GSK3A: variants seen among roughly 807,000 people sequenced by gnomAD.
GSK3A encodes glycogen synthase kinase 3 alpha.
GSK3A carries 14 observed loss-of-function variants against 56.6 expected under a neutral mutation model. The observed-to-expected ratio is 0.25, with a 90% confidence interval of 0.16 to 0.39. The LOEUF is 0.39. GSK3A is among the 10% of genes least tolerant of loss of function. GSK3A has a pLI of 1.00. For missense variants in GSK3A, 450 were observed against 656.0 expected, an observed-to-expected ratio of 0.69 and a Z score of 3.43; for synonymous variants, 301 against 285.0, an observed-to-expected ratio of 1.06 and a Z score of -0.56.
intron 10 of GSK3A, among the ~76,000 whole-genome samples, chr19:42,231,735 T>G (rs993058838): frequency 2.0e-5 from 3 of 149,868 alleles, no homozygotes; most frequent in South Asian, 2.1e-4. Context: ...ATCGAGCCAC[T>G]GCACTGCAGC....
chr19:42,233,151 C>A lies in GSK3A; in HGVS notation c.1057G>T (p.Glu353Ter), dbSNP rs1244295204. ...QIREMNPNYT[E>*]FKFPQIKAHP... ...GCTTTAATCTGAGGGAACTTGAACT[C>A]CGTGTAGTTGGGGTTCATCTCTCGG... The change falls in exon 8 of 11, where the codon GAG becomes TAG. Residue 353 changes from glutamate to a stop codon, truncating the protein, a stop_gained. Coordinates refer to ENST00000222330, the MANE Select transcript of GSK3A (RefSeq NM_019884.3). LOFTEE classifies it high-confidence loss of function. The A allele has an allele frequency of 6.2e-7, 1 of 1,608,620 alleles. No homozygotes were observed. The highest frequency in any genetic ancestry group is 8.5e-7 in the Non-Finnish European group (1 of 1,177,002).
chr19:42,234,982 C>G lies in GSK3A; in HGVS notation c.667-304G>C, dbSNP rs2036247416. On this transcript the variant is annotated intron_variant, in intron 4 of 10. Coordinates refer to ENST00000222330, the MANE Select transcript of GSK3A (RefSeq NM_019884.3). The surrounding 1 kb of genome is among the most constrained non-coding windows in gnomAD (Gnocchi z 5.7). ...TCTCTACTAAAAATACAAAAATTAGCCGGGCGTGGTGGTGCACACCTGTAA... is the reference window on the plus strand; with the variant it reads ...TCTCTACTAAAAATACAAAAATTAGGCGGGCGTGGTGGTGCACACCTGTAA... 6.6e-6 allele frequency among the ~76,000 whole-genome samples: 1 copy of G among 152,164 alleles called. No individual in the cohort carries two copies. The highest frequency in any genetic ancestry group is 1.5e-5 in the Non-Finnish European group (1 of 68,028).
chr19:42,238,318 G>A (rs2146939016), intron 2 of GSK3A, among the ~76,000 whole-genome samples: 2 of 151,364 alleles, frequency 1.3e-5, no homozygotes, highest in East Asian at 3.9e-4. Flanking sequence ...AGGAGGCAGA[G>A]GTTGCAGTGA....
At chr19:42,231,666 C>T (rs532834181) in intron 10 of GSK3A, among the ~76,000 whole-genome samples, 6 of 146,372 alleles carry the variant, frequency 4.1e-5, no homozygotes, top group African/African-American at 1.3e-4. Context: ...CCCAGCTACT[C>T]GGAGGCTGAG....
At chr19:42,230,947 CTT>C in intron 10 of GSK3A, 80 bp from the exon 11 acceptor site, 2 of 908,858 alleles carry the variant, frequency 2.2e-6, no homozygotes, top group Admixed American at 2.0e-5. Context: ...TAGGAATTCT[CTT>C]GTCATAGATG....
At chr19:42,231,974 A>T in intron 10 of GSK3A, 83 bp downstream of exon 10, 1 of 704,604 alleles carries the variant, frequency 1.4e-6, no homozygotes, top group African/African-American at 1.8e-5. Context: ...AAATACATTC[A>T]GGAAACCCAG....
At chr19:42,240,766 C>T (rs907180595) in intron 1 of GSK3A, 3 of 154,292 alleles carry the variant, frequency 1.9e-5, no homozygotes, top group Non-Finnish European at 4.3e-5. Context: ...ACCTCTTCAT[C>T]TGAGTGGTCC....
At chr19:42,241,036 G>C (rs1345962219) in intron 1 of GSK3A, 1 of 151,100 alleles carries the variant, frequency 6.6e-6, no homozygotes, top group Admixed American at 6.6e-5. Context: ...CGCTCTCGTT[G>C]CCCAGCTGGA....
intron 7 of GSK3A, 24 bp downstream of exon 7, chr19:42,233,262 G>GGGCCCC: frequency 1.3e-5 from 14 of 1,077,510 alleles, no homozygotes; most frequent in Non-Finnish European, 1.7e-5. Flanking sequence ...CCCACCCCCT[G>GGGCCCC]CCCAGCCCAG....
chr19:42,233,481 C>G (rs1474642303), intron 6 of GSK3A, 98 bp from the exon 7 acceptor site: 2 of 792,876 alleles, frequency 2.5e-6, no homozygotes, highest in Non-Finnish European at 4.1e-6. Context: ...TGTCAGGAGC[C>G]CCGTTTTCTC....
intron 10 of GSK3A, 118 bp downstream of exon 10, chr19:42,231,939 T>C (rs1219611705): frequency 4.9e-6 from 3 of 612,586 alleles, no homozygotes; most frequent in Non-Finnish European, 8.8e-6. Context: ...GTGTTTCCTA[T>C]GCCATCAAAA....
Position 42,242,337 on chromosome 19 carries a change from T to TGGGCCGGAGGCCGAGCCTCCG in GSK3A, c.108_128dup (p.Ser39_Gly45dup). 2 of 1,426,052 alleles carry TGGGCCGGAGGCCGAGCCTCCG rather than the reference T, an allele frequency of 1.4e-6. No individual in the cohort carries two copies. Among genetic ancestry groups the TGGGCCGGAGGCCGAGCCTCCG allele is most frequent in the Non-Finnish European group, 1.8e-6 (2 of 1,094,936 alleles). 88.3% of individuals were successfully genotyped at this position (1,426,052 alleles called of 1,614,324 possible). ...ATGCCTTTCCGCCGCCGGTGCCGCC[T>TGGGCCGGAGGCCGAGCCTCCG]GGGCCGGAGGCCGAGCCTCCGGGGC... On this transcript the variant is annotated inframe_insertion, in exon 1 of 11. Transcript: ENST00000222330.
At chr19:42,240,275 A>G (rs886427585) in intron 1 of GSK3A, 133 bp from the exon 2 acceptor site, 33 of 778,140 alleles carry the variant, frequency 4.2e-5, no homozygotes, top group Non-Finnish European at 6.0e-5. Context: ...CTCCTCTTTG[A>G]GGAAAGGTGG....
intron 8 of GSK3A, 90 bp from the exon 9 acceptor site, chr19:42,232,772 T>C: frequency 9.1e-7 from 1 of 1,097,314 alleles, no homozygotes; most frequent in Non-Finnish European, 1.3e-6. Context: ...CTGCGGCAAG[T>C]TATGACTGGT....
At position 42,233,276 on chromosome 19, in the gene GSK3A, C is replaced by T. The variant is rs549379874; in HGVS notation, c.1002+10G>A. The T allele has an allele frequency of 9.6e-6, 15 of 1,559,890 alleles. No individual in the cohort carries two copies. Among genetic ancestry groups the T allele is most frequent in the Middle Eastern group, 1.9e-4 (1 of 5,290 alleles). On this transcript the variant is annotated intron_variant, in intron 7 of 10. Transcript: ENST00000222330. The stretch of plus-strand genomic sequence containing the variant: ...CCCCACCCCCTGCCCAGCCCAGCCC[C>T]GCCCCTCACCTTGATGATCTCCACC...
intron 4 of GSK3A, among the ~76,000 whole-genome samples, chr19:42,235,130 A>AT (rs2036248855): frequency 6.6e-6 from 1 of 152,064 alleles, no homozygotes. Flanking sequence ...CTCAAAAAAA[A>AT]CAAAAAAAAA....
Position 42,234,490 on chromosome 19 carries a change from G to C in GSK3A, c.798-31C>G, listed in dbSNP as rs781620457. 1 of 1,613,596 alleles carries C rather than the reference G, an allele frequency of 6.2e-7. No individual in the cohort carries two copies. The highest frequency in any genetic ancestry group is 8.5e-7 in the Non-Finnish European group (1 of 1,179,512). ...GGAAGAGATGGGCAGGGGTACACGT[G>C]AGGCAAGGGTTGGGGTCCCCCCTGC... On this transcript the variant is annotated intron_variant, in intron 5 of 10. Transcript: ENST00000222330. The surrounding 1 kb of genome is among the most constrained non-coding windows in gnomAD (Gnocchi z 5.7).
chr19:42,239,866 A>G (rs747222019), intron 2 of GSK3A, 89 bp downstream of exon 2: 29 of 1,096,312 alleles, frequency 2.6e-5, no homozygotes, highest in Non-Finnish European at 4.0e-5. Context: ...CATGGCTCTG[A>G]AACCCAAGCC....
intron 2 of GSK3A, 87 bp from the exon 3 acceptor site, chr19:42,237,028 C>G: frequency 1.1e-6 from 1 of 890,218 alleles, no homozygotes; most frequent in Non-Finnish European, 1.9e-6. Context: ...AACAGCCAGG[C>G]AGCTACTCCC....
Sources: allele counts gnomAD v4.1 joint callset (sites outside exome capture counted in the v4.1 genomes callset), GRCh38; gene constraint gnomAD v4.1.1; non-coding constraint Gnocchi (gnomAD v3.1); transcripts MANE v1.5; gene names NCBI Gene and HGNC (gene_info 2026-07-23, HGNC 2026-07-21).